The following BTBD8 variants were observed in gnomAD, a reference collection of about 807,000 sequenced individuals.
BTBD8 encodes BTB/POZ domain-containing protein 8.
Under a neutral mutation model 162.9 loss-of-function variants are expected in BTBD8, and 110 were observed. The observed-to-expected ratio is 0.68, with a 90% CI of 0.58 to 0.79. The LOEUF (loss-of-function observed/expected upper bound fraction) is 0.79. Among genes scored for constraint, BTBD8 ranks in the 30% least tolerant of loss-of-function variants. BTBD8 has a pLI of 0.00. For missense variants in BTBD8, 1,905 were observed against 2,085.4 expected, an observed-to-expected ratio of 0.91 and a Z score of 1.68; for synonymous variants, 667 against 716.1, an observed-to-expected ratio of 0.93 and a Z score of 1.10.
intron 4 of BTBD8, among the ~76,000 whole-genome samples, chr1:92,120,935 G>A (rs1473739127): frequency 6.6e-6 from 1 of 152,096 alleles, no homozygotes; most frequent in African/African-American, 2.4e-5. Flanking sequence ...GCTAATTTTT[G>A]TATTTTTAGT....
At chr1:92,135,231 G>A (rs1281845480) in intron 5 of BTBD8, among the ~76,000 whole-genome samples, 1 of 151,920 alleles carries the variant, frequency 6.6e-6, no homozygotes, top group East Asian at 1.9e-4. Flanking sequence ...TGTCGCCTGG[G>A]CTGGAGTGCA....
In BTBD8 at chr1:92,181,475, C is replaced by A. The variant is rs1354515071; in HGVS notation, c.3792C>A (p.Pro1264=). The change falls in exon 17 of 18, where the codon CCC becomes CCA. Residue 1264 remains proline, a synonymous_variant. Transcript: ENST00000636805. The part of the protein sequence containing the change: ...SATTSSDDIK[P]RSEDYDAGGS... ...CCACCTCCTCCGATGACATAAAGCC[C>A]AGATCTGAAGACTATGATGCTGGAG... The A allele has an allele frequency of 6.4e-7, 1 of 1,551,738 alleles. No homozygotes were observed. The highest frequency in any genetic ancestry group is 1.2e-5 in the South Asian group (1 of 84,060).
intron 9 of BTBD8, among the ~76,000 whole-genome samples, chr1:92,149,685 G>A (rs1227606101): frequency 1.3e-5 from 2 of 152,150 alleles, no homozygotes; most frequent in Admixed American, 6.5e-5. Flanking sequence ...GAACACTACT[G>A]CAATGTTCAT....
chr1:92,168,445 A>G (rs1650441159), intron 11 of BTBD8, among the ~76,000 whole-genome samples: 1 of 152,184 alleles, frequency 6.6e-6, no homozygotes. Flanking sequence ...AAATTAAAAT[A>G]TTTATTTTTA....
Position 92,167,968 on chromosome 1 carries a change from GACAGTACAAAGGAAATGGT to G in BTBD8, c.1429_1443+4del. 1 of 1,546,852 alleles carries G rather than the reference GACAGTACAAAGGAAATGGT, an allele frequency of 6.5e-7. No individual in the cohort carries two copies. The highest frequency in any genetic ancestry group is 8.7e-7 in the Non-Finnish European group (1 of 1,144,214). On this transcript the variant is annotated splice_donor_variant and coding_sequence_variant, in exon 11 of 18. Coordinates refer to ENST00000636805, the MANE Select transcript of BTBD8 (RefSeq NM_001376131.1). LOFTEE classifies it high-confidence loss of function. ...GGCTCTGGACACACTGCTGAACTCT[GACAGTACAAAGGAAATGGT>G]ACTGAATGTAATGAAATTTATTAAA...
intron 4 of BTBD8, among the ~76,000 whole-genome samples, chr1:92,121,790 A>T (rs1037294752): frequency 1.3e-5 from 2 of 151,874 alleles, no homozygotes; most frequent in Admixed American, 1.3e-4. Flanking sequence ...TGCCATCTGT[A>T]TACCTCTTTG....
intron 5 of BTBD8, among the ~76,000 whole-genome samples, chr1:92,132,957 A>G (rs1362587955): frequency 1.3e-5 from 2 of 152,192 alleles, no homozygotes; most frequent in African/African-American, 4.8e-5. Flanking sequence ...ACACAGTGCT[A>G]TGATATATTT....
In BTBD8 at chr1:92,168,899, A is replaced by G; in HGVS notation, c.1477A>G (p.Lys493Glu). 3.9e-6 allele frequency: 6 copies of G among 1,541,892 alleles called. No individual in the cohort carries two copies. Among genetic ancestry groups the G allele is most frequent in the Non-Finnish European group, 5.3e-6 (6 of 1,139,526 alleles). Residue 493 changes from lysine (K) to glutamate (E), a missense_variant, in exon 12 of 18, where the codon AAG becomes GAG. Lys to Glu is a moderately conservative substitution (Grantham distance 56). Coordinates refer to ENST00000636805, the MANE Select transcript of BTBD8 (RefSeq NM_001376131.1). ...FTCKIQALRDKLWIFLVQSFY... is the reference protein window; with the variant it reads ...FTCKIQALRDELWIFLVQSFY... The stretch of plus-strand genomic sequence containing the variant: ...GTGCAAGATCCAGGCTCTGCGTGAT[A>G]AGCTGTGGATCTTCCTGGTTCAGTC...
rs144206691 is a variant in BTBD8, at chr1:92,161,002, G to A, written c.1123-5956G>A. On this transcript the variant is annotated intron_variant, in intron 9 of 17. Coordinates refer to ENST00000636805, the MANE Select transcript of BTBD8 (RefSeq NM_001376131.1). Reference sequence around the variant, plus strand: ...TATGGTCTAACTCTTTCCTTCCCCAGGGAGAAGCTGGGATCTTATGGTTTT... The same window carrying A: ...TATGGTCTAACTCTTTCCTTCCCCAAGGAGAAGCTGGGATCTTATGGTTTT... Among the ~76,000 whole-genome samples, 581 of 152,274 alleles carry A rather than the reference G, an allele frequency of 3.8e-3. 3 individuals carry two copies. Among genetic ancestry groups the A allele is most frequent in the African/African-American group, 0.013 (550 of 41,548 alleles).
intron 4 of BTBD8, among the ~76,000 whole-genome samples, chr1:92,112,634 G>A (rs1648929616): frequency 6.6e-6 from 1 of 151,936 alleles, no homozygotes. Context: ...TCCAAATTTT[G>A]TCGGATAATA....
intron 2 of BTBD8, among the ~76,000 whole-genome samples, chr1:92,094,591 G>T (rs959097815): frequency 1.3e-5 from 2 of 152,178 alleles, no homozygotes; most frequent in African/African-American, 2.4e-5. Context: ...GTGCACTTGA[G>T]TTAGAGTGTG....
intron 9 of BTBD8, among the ~76,000 whole-genome samples, chr1:92,162,216 T>A (rs1343808880): frequency 6.6e-6 from 1 of 152,232 alleles, no homozygotes; most frequent in East Asian, 1.9e-4. Context: ...GACAGCACTT[T>A]CCCTCAGCCA....
At chr1:92,163,091 A>G (rs1433800754) in intron 9 of BTBD8, among the ~76,000 whole-genome samples, 1 of 152,042 alleles carries the variant, frequency 6.6e-6, no homozygotes, top group East Asian at 1.9e-4. Context: ...GCGGTGGCTC[A>G]TGCCTGTAAT....
chr1:92,127,928 T>C (rs1206967839), intron 4 of BTBD8, among the ~76,000 whole-genome samples: 1 of 152,116 alleles, frequency 6.6e-6, no homozygotes, highest in African/African-American at 2.4e-5. Flanking sequence ...GGGTTGTGGG[T>C]AGGGTATGGT....
intron 3 of BTBD8, among the ~76,000 whole-genome samples, chr1:92,106,573 A>G (rs958413543): frequency 7.2e-6 from 1 of 139,280 alleles, no homozygotes; most frequent in African/African-American, 2.6e-5. Flanking sequence ...GGGCAGGAGA[A>G]TGGCATGAAC....
chr1:92,157,944 ATTG>A (rs1167850024), intron 9 of BTBD8, among the ~76,000 whole-genome samples: 1 of 152,116 alleles, frequency 6.6e-6, no homozygotes, highest in Non-Finnish European at 1.5e-5. Context: ...TATGTTTATA[ATTG>A]TTGTATCTTC....
chr1:92,176,407 T>C (rs1310834345), intron 13 of BTBD8, among the ~76,000 whole-genome samples: 1 of 152,182 alleles, frequency 6.6e-6, no homozygotes, highest in Non-Finnish European at 1.5e-5. Flanking sequence ...AGCTAGTTCA[T>C]GGGACTGTTG....
At chr1:92,122,627 G>A (rs977530652) in intron 4 of BTBD8, among the ~76,000 whole-genome samples, 1 of 151,412 alleles carries the variant, frequency 6.6e-6, no homozygotes, top group Non-Finnish European at 1.5e-5. Context: ...GCAGTGGCAT[G>A]ATCTCGGCTC....
At chr1:92,168,006 T>A in intron 11 of BTBD8, 21 bp downstream of exon 11, 1 of 1,516,604 alleles carries the variant, frequency 6.6e-7, no homozygotes, top group Non-Finnish European at 8.9e-7. Flanking sequence ...TAATGAAATT[T>A]ATTAAAATAA....
Sources: allele counts gnomAD v4.1 joint callset (sites outside exome capture counted in the v4.1 genomes callset), GRCh38; gene constraint gnomAD v4.1.1; transcripts MANE v1.5; gene names NCBI Gene and HGNC (gene_info 2026-07-23, HGNC 2026-07-21).